The following ITSN1 variants were observed in gnomAD, a reference collection of about 807,000 sequenced individuals.
The protein encoded by ITSN1 is intersectin-1.
A neutral mutation model predicts 239.8 loss-of-function variants in ITSN1; 58 were observed. The ratio of observed to expected loss-of-function variants is 0.24; its 90% CI spans 0.20 to 0.30. The LOEUF is 0.30. Ranked by LOEUF, ITSN1 falls within the 10% of genes least tolerant of loss-of-function variation. ITSN1 has a pLI of 1.00. For synonymous variants in ITSN1, 780 were observed against 770.8 expected, an observed-to-expected ratio of 1.01 and a Z score of -0.20; for missense variants, 1,558 against 2,103.3, an observed-to-expected ratio of 0.74 and a Z score of 5.07.
intron 29 of ITSN1, chr21:33,838,615 T>C (rs1256854023): frequency 9.0e-6 from 2 of 223,440 alleles, no homozygotes; most frequent in Admixed American, 1.3e-4. Context: ...CCTGTGCTCT[T>C]TGAAATACAG....
At position 33,856,806 on chromosome 21, in the gene ITSN1, G is replaced by A; in HGVS notation, c.3732G>A (p.Glu1244=). The part of the protein sequence containing the change: ...TERKRQGYIH[E]LIVTEENYVN... ...GAAAGCGACAAGGATACATCCACGAGCTCATTGTCACCGAGGAGAACTATG... is the reference window on the plus strand; with the variant it reads ...GAAAGCGACAAGGATACATCCACGAACTCATTGTCACCGAGGAGAACTATG... The change falls in exon 30 of 40, where the codon GAG becomes GAA. Residue 1244 remains glutamate (E), a synonymous_variant. Coordinates refer to ENST00000381318, the MANE Select transcript of ITSN1 (RefSeq NM_003024.3). 1 of 1,614,146 alleles carries A rather than the reference G, an allele frequency of 6.2e-7. No individual in the cohort carries two copies. The highest frequency in any genetic ancestry group is 8.5e-7 in the Non-Finnish European group (1 of 1,180,020).
intron 1 of ITSN1, among the ~76,000 whole-genome samples, chr21:33,707,338 C>G (rs552670352): frequency 6.6e-6 from 1 of 152,190 alleles, no homozygotes; most frequent in South Asian, 2.1e-4. Context: ...GTTGCCCAGG[C>G]TAGTCTTGAA....
At chr21:33,831,895 C>T (rs2074312636) in intron 27 of ITSN1, among the ~76,000 whole-genome samples, 3 of 152,098 alleles carry the variant, frequency 2.0e-5, no homozygotes, top group Admixed American at 1.3e-4. Flanking sequence ...GTCAGCATGC[C>T]TTCTCCTGTG....
chr21:33,771,965 T>C, intron 11 of ITSN1, 96 bp from the exon 12 acceptor site: 1 of 1,409,604 alleles, frequency 7.1e-7, no homozygotes, highest in Non-Finnish European at 9.7e-7. Context: ...GGTTTGGGTT[T>C]GTACTACAAA....
intron 1 of ITSN1, among the ~76,000 whole-genome samples, chr21:33,660,569 C>T (rs562020382): frequency 6.6e-6 from 1 of 152,282 alleles, no homozygotes; most frequent in African/African-American, 2.4e-5. Context: ...AAAAAGATGG[C>T]TGAATTCCAT....
At chr21:33,836,688 T>TG in intron 29 of ITSN1, 56 bp downstream of exon 29, 1 of 1,361,658 alleles carries the variant, frequency 7.3e-7, no homozygotes. Flanking sequence ...CCGTAAAACA[T>TG]GCAGCATTGC....
At chr21:33,724,229 C>A (rs1212545958) in intron 4 of ITSN1, among the ~76,000 whole-genome samples, 1 of 152,154 alleles carries the variant, frequency 6.6e-6, no homozygotes, top group Admixed American at 6.6e-5. Context: ...CAGACTGTCT[C>A]TAAACTAGTG....
At chr21:33,688,602 A>G (rs138822169) in intron 1 of ITSN1, among the ~76,000 whole-genome samples, 1 of 152,302 alleles carries the variant, frequency 6.6e-6, no homozygotes, top group African/African-American at 2.4e-5. Flanking sequence ...ACAGACAATG[A>G]ACATCAGTTT....
intron 1 of ITSN1, among the ~76,000 whole-genome samples, chr21:33,712,685 C>T (rs536490965): frequency 4.6e-5 from 7 of 152,266 alleles, no homozygotes; most frequent in Admixed American, 4.6e-4. Context: ...TGGGGCCCAC[C>T]TGTGGGGCAG....
At chr21:33,690,790 C>CGT (rs1344462274) in intron 1 of ITSN1, among the ~76,000 whole-genome samples, 2 of 12,962 alleles carry the variant, frequency 1.5e-4, no homozygotes, top group South Asian at 2.2e-3. Context: ...TATATATATA[C>CGT]ATATATATAT....
At chr21:33,803,567 G>A (rs974290198) in intron 20 of ITSN1, among the ~76,000 whole-genome samples, 8 of 152,060 alleles carry the variant, frequency 5.3e-5, no homozygotes, top group African/African-American at 1.4e-4. Flanking sequence ...ATTTTGGTTC[G>A]AAATAAAACT....
intron 1 of ITSN1, among the ~76,000 whole-genome samples, chr21:33,714,885 A>G (rs2065049586): frequency 6.6e-6 from 1 of 152,194 alleles, no homozygotes; most frequent in Non-Finnish European, 1.5e-5. Context: ...AATAACATGC[A>G]TATATGAATT....
Position 33,875,931 on chromosome 21 carries a change from C to T in ITSN1, c.4341+410C>T, listed in dbSNP as rs188475589. Among the ~76,000 whole-genome samples, 1,106 of 152,290 alleles carry T rather than the reference C, an allele frequency of 7.3e-3. 6 individuals carry two copies. Among genetic ancestry groups the T allele is most frequent in the Non-Finnish European group, 1.0e-2 (678 of 68,018 alleles). ...CTGGCCTCAGGTGATCTGCCCACCTCGGCCTCCCAAAGTGCTGGGATTACA... is the reference window on the plus strand; with the variant it reads ...CTGGCCTCAGGTGATCTGCCCACCTTGGCCTCCCAAAGTGCTGGGATTACA... On this transcript the variant is annotated intron_variant, in intron 34 of 39. Transcript: ENST00000381318.
At position 33,653,663 on chromosome 21, in the gene ITSN1, C is replaced by T. The variant is rs533558617; in HGVS notation, c.-33+10950C>T. 2.6e-5 allele frequency among the ~76,000 whole-genome samples: 4 copies of T among 152,198 alleles called. No individual in the cohort carries two copies. In the South Asian group the frequency reaches 6.2e-4, roughly 24 times the overall value. On this transcript the variant is annotated intron_variant, in intron 1 of 39. Coordinates refer to ENST00000381318, the MANE Select transcript of ITSN1 (RefSeq NM_003024.3). Reference sequence around the variant, plus strand: ...TCAGCCTCCCGAGTAGCTGGGACTACAGGCATCAGCCACCACGCCCAGCTA... The same window carrying T: ...TCAGCCTCCCGAGTAGCTGGGACTATAGGCATCAGCCACCACGCCCAGCTA...
At chr21:33,820,847 C>T (rs1438934886) in intron 24 of ITSN1, among the ~76,000 whole-genome samples, 3 of 149,710 alleles carry the variant, frequency 2.0e-5, no homozygotes, top group African/African-American at 4.9e-5. Flanking sequence ...TTATGCACCT[C>T]ACCAAAAGAT....
At chr21:33,666,899 C>T (rs2146325528) in intron 1 of ITSN1, among the ~76,000 whole-genome samples, 1 of 152,318 alleles carries the variant, frequency 6.6e-6, no homozygotes, top group South Asian at 2.1e-4. Flanking sequence ...CTTCTGGGCA[C>T]AAGTGATCCT....
At chr21:33,756,546 A>G (rs1370398651) in intron 8 of ITSN1, among the ~76,000 whole-genome samples, 1 of 152,144 alleles carries the variant, frequency 6.6e-6, no homozygotes. Flanking sequence ...TTTACTCCCA[A>G]AAGAAAAAAG....
At chr21:33,651,813 C>T (rs1376595137) in intron 1 of ITSN1, among the ~76,000 whole-genome samples, 1 of 152,106 alleles carries the variant, frequency 6.6e-6, no homozygotes, top group Non-Finnish European at 1.5e-5. Context: ...TAATTAGTAT[C>T]AAAGGGAGGG....
intron 1 of ITSN1, among the ~76,000 whole-genome samples, chr21:33,673,577 T>G (rs1020803984): frequency 1.3e-5 from 2 of 152,130 alleles, no homozygotes; most frequent in African/African-American, 4.8e-5. Context: ...CCTTGGTGAT[T>G]TAATCTCTCA....
Sources: allele counts gnomAD v4.1 joint callset (sites outside exome capture counted in the v4.1 genomes callset), GRCh38; gene constraint gnomAD v4.1.1; transcripts MANE v1.5; gene names NCBI Gene and HGNC (gene_info 2026-07-23, HGNC 2026-07-21).